The following SH3RF3 variants were observed in gnomAD, a reference collection of about 807,000 sequenced individuals.
SH3RF3 encodes the protein SH3 domain containing ring finger 3, also known as E3 ubiquitin-protein ligase SH3RF3.
SH3RF3 carries 29 observed loss-of-function variants against 66.3 expected under a neutral mutation model. The ratio of observed to expected loss-of-function variants is 0.44; its 90% CI spans 0.33 to 0.60. The LOEUF is 0.60. Among genes scored for constraint, SH3RF3 ranks in the 20% least tolerant of loss-of-function variants. SH3RF3 has a pLI of 0.04. For missense variants in SH3RF3, 1,194 were observed against 1,190.9 expected (o/e 1.00, Z -0.04); for synonymous variants, 583 against 532.0 (o/e 1.10, Z -1.32).
Position 109,442,266 on chromosome 2 carries a change from G to A in SH3RF3, c.1828+5120G>A, listed in dbSNP as rs952564257. On this transcript the variant is annotated intron_variant, in intron 7 of 9. Transcript: ENST00000309415. Reference sequence around the variant, plus strand: ...GCAGAGCTTACAGTGAGCCGAGATCGTGCCACTGCACTCCAGCCTGGGCAA... The same window carrying A: ...GCAGAGCTTACAGTGAGCCGAGATCATGCCACTGCACTCCAGCCTGGGCAA... Among the ~76,000 whole-genome samples the A allele has an allele frequency of 4.0e-5, 6 of 150,474 alleles. No individual in the cohort carries two copies. The South Asian group carries it at 6.3e-4, about 16-fold the overall frequency.
chr2:109,411,043 A>G (rs566542694), intron 4 of SH3RF3, among the ~76,000 whole-genome samples: 2 of 152,334 alleles, frequency 1.3e-5, no homozygotes, highest in East Asian at 1.9e-4. Flanking sequence ...TTAAAAATCA[A>G]AGCAGCATCA....
At chr2:109,385,865 A>T (rs1346535433) in intron 3 of SH3RF3, among the ~76,000 whole-genome samples, 1 of 151,652 alleles carries the variant, frequency 6.6e-6, no homozygotes, top group Non-Finnish European at 1.5e-5. Context: ...AGCCTTTTGT[A>T]TTTAAAAAGA....
At chr2:109,415,421 A>G (rs373278856) in intron 4 of SH3RF3, among the ~76,000 whole-genome samples, 48 of 152,350 alleles carry the variant, frequency 3.2e-4, no homozygotes, top group African/African-American at 1.1e-3. Context: ...AGCTGGGCCC[A>G]GCCATGGTAG....
At chr2:109,257,208 C>T (rs1025264521) in intron 1 of SH3RF3, among the ~76,000 whole-genome samples, 5 of 152,120 alleles carry the variant, frequency 3.3e-5, no homozygotes, top group Middle Eastern at 3.2e-3. Context: ...GTGGACATGA[C>T]GGTAAGTCCT....
At chr2:109,454,766 G>A (rs941319073) in intron 8 of SH3RF3, among the ~76,000 whole-genome samples, 4 of 152,116 alleles carry the variant, frequency 2.6e-5, no homozygotes, top group African/African-American at 9.7e-5. Context: ...TGCGAGTCCT[G>A]ACATAAAACT....
chr2:109,419,462 AG>A (rs1676813361), intron 4 of SH3RF3, 76 bp from the exon 5 acceptor site: 2 of 1,421,992 alleles, frequency 1.4e-6, no homozygotes, highest in African/African-American at 2.8e-5. Flanking sequence ...CTGTGGATGC[AG>A]CCTCATTTTG....
intron 1 of SH3RF3, among the ~76,000 whole-genome samples, chr2:109,192,851 G>C (rs1000605428): frequency 6.6e-6 from 1 of 152,142 alleles, no homozygotes; most frequent in African/African-American, 2.4e-5. Flanking sequence ...CATTTCTCCT[G>C]CACCTGTTTC....
chr2:109,160,083 G>T (rs1276031161), intron 1 of SH3RF3, among the ~76,000 whole-genome samples: 1 of 152,218 alleles, frequency 6.6e-6, no homozygotes, highest in Non-Finnish European at 1.5e-5. Context: ...AAAGGTTGGA[G>T]ACTGCTGATT....
intron 7 of SH3RF3, among the ~76,000 whole-genome samples, chr2:109,447,163 A>G (rs565836114): frequency 1.9e-4 from 28 of 151,264 alleles, no homozygotes; most frequent in Non-Finnish European, 2.4e-4. Flanking sequence ...AAAAAAAAAA[A>G]AAAAAGAAAA....
chr2:109,420,447 G>A (rs1167643478), intron 5 of SH3RF3, among the ~76,000 whole-genome samples: 10 of 152,002 alleles, frequency 6.6e-5, no homozygotes, highest in Non-Finnish European at 1.2e-4. Flanking sequence ...TTTTTGTTTT[G>A]TTTTGTTTTG....
intron 8 of SH3RF3, among the ~76,000 whole-genome samples, chr2:109,465,420 G>A (rs1455329445): frequency 6.6e-6 from 1 of 152,198 alleles, no homozygotes; most frequent in East Asian, 1.9e-4. Context: ...CTTCCAAAGT[G>A]GCTGCACCAT....
chr2:109,366,110 C>G (rs796867637), intron 2 of SH3RF3, among the ~76,000 whole-genome samples: 1 of 152,320 alleles, frequency 6.6e-6, no homozygotes, highest in African/African-American at 2.4e-5. Context: ...TCCACCTCTT[C>G]TATCTCCTAG....
chr2:109,449,073 C>A, intron 7 of SH3RF3, 97 bp from the exon 8 acceptor site: 5 of 1,417,422 alleles, frequency 3.5e-6, no homozygotes, highest in Non-Finnish European at 4.8e-6. Flanking sequence ...TGTGAGTGCT[C>A]GAGAAGGGAG....
At chr2:109,487,209 G>A (rs972557678) in intron 8 of SH3RF3, among the ~76,000 whole-genome samples, 1 of 152,192 alleles carries the variant, frequency 6.6e-6, no homozygotes, top group African/African-American at 2.4e-5. Flanking sequence ...GCCCAGATCA[G>A]CCCTAAATTG....
chr2:109,234,542 G>A (rs1439837440), intron 1 of SH3RF3, among the ~76,000 whole-genome samples: 1 of 152,218 alleles, frequency 6.6e-6, no homozygotes, highest in Non-Finnish European at 1.5e-5. Flanking sequence ...TATTGGTCAG[G>A]ATAGGCTCTG....
At chr2:109,293,356 G>A (rs922230358) in intron 1 of SH3RF3, among the ~76,000 whole-genome samples, 1 of 152,232 alleles carries the variant, frequency 6.6e-6, no homozygotes, top group African/African-American at 2.4e-5. Flanking sequence ...GTCATCAGGG[G>A]CCAGAAAAAT....
chr2:109,389,036 A>G, intron 3 of SH3RF3, among the ~76,000 whole-genome samples: 1 of 152,214 alleles, frequency 6.6e-6, no homozygotes, highest in East Asian at 1.9e-4. Context: ...GGAGCCCATC[A>G]CATGCAGCAT....
At chr2:109,195,039 G>A (rs1440833633) in intron 1 of SH3RF3, among the ~76,000 whole-genome samples, 1 of 152,150 alleles carries the variant, frequency 6.6e-6, no homozygotes, top group Non-Finnish European at 1.5e-5. Context: ...AAATGGAAGG[G>A]GAAGATGGTG....
chr2:109,331,790 A>G (rs1213664048), intron 1 of SH3RF3, among the ~76,000 whole-genome samples: 1 of 152,174 alleles, frequency 6.6e-6, no homozygotes, highest in Non-Finnish European at 1.5e-5. Flanking sequence ...TGAATATAAT[A>G]TTAAGATGAT....
Sources: allele counts gnomAD v4.1 joint callset (sites outside exome capture counted in the v4.1 genomes callset), GRCh38; gene constraint gnomAD v4.1.1; transcripts MANE v1.5; gene names NCBI Gene and HGNC (gene_info 2026-07-23, HGNC 2026-07-21).